Variants in PKHD1 observed in about 807,000 individuals in gnomAD.
PKHD1 encodes fibrocystin.
In PKHD1, 291 loss-of-function variants were observed where a neutral mutation model predicts 412.0. That is an observed-to-expected ratio of 0.71 (90% CI 0.64 to 0.78). The LOEUF is 0.78. PKHD1 is among the 30% of genes least tolerant of loss of function. The pLI is 0.00. For missense variants in PKHD1, 4,825 were observed against 4,950.7 expected (o/e 0.97, Z 0.76); for synonymous variants, 1,777 against 1,821.5 (o/e 0.98, Z 0.62).
chr6:51,784,426 A>G (rs1369512180), intron 53 of PKHD1, among the ~76,000 whole-genome samples: 1 of 152,182 alleles, frequency 6.6e-6, no homozygotes, highest in Admixed American at 6.6e-5. Flanking sequence ...TACCAATAAA[A>G]CGAGACAGAC....
At chr6:51,722,234 A>C (rs1008401088) in intron 60 of PKHD1, among the ~76,000 whole-genome samples, 5 of 152,166 alleles carry the variant, frequency 3.3e-5, no homozygotes, top group African/African-American at 1.2e-4. Context: ...CTCTCAGAGT[A>C]CAGATTATAC....
At chr6:51,816,211 G>T (rs1159528885) in intron 52 of PKHD1, among the ~76,000 whole-genome samples, 3 of 151,978 alleles carry the variant, frequency 2.0e-5, no homozygotes, top group African/African-American at 7.3e-5. Flanking sequence ...AATTTTCAAG[G>T]AATAGAATAA....
At chr6:51,957,924 C>T (rs1261528663) in intron 36 of PKHD1, among the ~76,000 whole-genome samples, 1 of 152,022 alleles carries the variant, frequency 6.6e-6, no homozygotes, top group Non-Finnish European at 1.5e-5. Context: ...CATTTACTTT[C>T]TAATTATTTT....
chr6:51,764,614 C>T (rs11966570), intron 55 of PKHD1, among the ~76,000 whole-genome samples: 47,672 of 150,462 alleles, frequency 0.32, 9,346 homozygotes, highest in East Asian at 0.69. Flanking sequence ...CACATGCACA[C>T]GTATGTTTAT....
At chr6:52,084,284 G>A (rs1415491094) in intron 2 of PKHD1, among the ~76,000 whole-genome samples, 2 of 152,212 alleles carry the variant, frequency 1.3e-5, no homozygotes, top group Non-Finnish European at 2.9e-5. Context: ...GGGGAACCAC[G>A]TCACATTAGC....
At chr6:51,824,920 C>T (rs1434408350) in intron 52 of PKHD1, among the ~76,000 whole-genome samples, 1 of 152,072 alleles carries the variant, frequency 6.6e-6, no homozygotes, top group African/African-American at 2.4e-5. Flanking sequence ...TTGACAAATA[C>T]CACTTTCAGG....
At chr6:52,047,902 G>A (rs1422101196) in intron 23 of PKHD1, among the ~76,000 whole-genome samples, 2 of 152,170 alleles carry the variant, frequency 1.3e-5, no homozygotes, top group African/African-American at 2.4e-5. Context: ...CAAAAGATGT[G>A]GCTAAGGGTC....
intron 60 of PKHD1, among the ~76,000 whole-genome samples, chr6:51,715,164 GTCTC>G (rs1334059958): frequency 6.6e-6 from 1 of 152,014 alleles, no homozygotes; most frequent in African/African-American, 2.4e-5. Flanking sequence ...TTTAGGAATT[GTCTC>G]TCTTTTTTTT....
intron 10 of PKHD1, 46 bp from the exon 11 acceptor site, chr6:52,069,573 G>A (rs1470833951): frequency 1.4e-6 from 2 of 1,476,058 alleles, no homozygotes; most frequent in Middle Eastern, 1.7e-4. Flanking sequence ...TATCAACTGG[G>A]ATTGCATTTT....
intron 36 of PKHD1, among the ~76,000 whole-genome samples, chr6:51,945,390 C>G (rs546928650): frequency 2.1e-4 from 32 of 152,262 alleles, no homozygotes; most frequent in Admixed American, 1.6e-3. Flanking sequence ...TACTCAGGTC[C>G]CAAATCTCTC....
chr6:51,687,577 T>C (rs981041844), intron 60 of PKHD1, among the ~76,000 whole-genome samples: 2 of 152,206 alleles, frequency 1.3e-5, no homozygotes, highest in Non-Finnish European at 1.5e-5. Context: ...TCACCTGTTA[T>C]CATTTGCCCT....
chr6:51,863,633 G>A (rs1356847646), intron 48 of PKHD1, among the ~76,000 whole-genome samples: 1 of 152,136 alleles, frequency 6.6e-6, no homozygotes. Flanking sequence ...AAATCCTCCA[G>A]TCAAATGATT....
At chr6:51,739,998 T>A (rs921687712) in intron 60 of PKHD1, 1 of 518,884 alleles carries the variant, frequency 1.9e-6, no homozygotes. Flanking sequence ...GAATGGGACA[T>A]TAATTTCAAT....
intron 66 of PKHD1, among the ~76,000 whole-genome samples, chr6:51,621,459 A>G (rs1766605921): frequency 6.6e-6 from 1 of 152,198 alleles, no homozygotes; most frequent in Admixed American, 6.5e-5. Context: ...GGAATCAAAC[A>G]CTGCAAGTCG....
intron 40 of PKHD1, among the ~76,000 whole-genome samples, chr6:51,907,513 A>C (rs1433995580): frequency 2.0e-5 from 3 of 152,156 alleles, no homozygotes; most frequent in Non-Finnish European, 4.4e-5. Flanking sequence ...CATGTGAAAA[A>C]CCAGTAAGTA....
intron 36 of PKHD1, among the ~76,000 whole-genome samples, chr6:51,958,286 G>C (rs1274083521): frequency 6.6e-6 from 1 of 152,072 alleles, no homozygotes; most frequent in African/African-American, 2.4e-5. Context: ...ATGAGGGTTT[G>C]CCTTTCCAAA....
At chr6:51,704,999 T>C (rs1439030732) in intron 60 of PKHD1, among the ~76,000 whole-genome samples, 2 of 152,104 alleles carry the variant, frequency 1.3e-5, no homozygotes, top group Middle Eastern at 3.4e-3. Flanking sequence ...TAGTGGTGGC[T>C]CCCAAACTCC....
At chr6:51,907,391 C>T (rs1782274434) in intron 40 of PKHD1, among the ~76,000 whole-genome samples, 1 of 152,144 alleles carries the variant, frequency 6.6e-6, no homozygotes, top group Non-Finnish European at 1.5e-5. Flanking sequence ...CCTCACATTG[C>T]TCATCAAGGA....
At chr6:52,047,788 G>T (rs1351498643) in intron 23 of PKHD1, among the ~76,000 whole-genome samples, 4 of 152,228 alleles carry the variant, frequency 2.6e-5, no homozygotes, top group African/African-American at 9.6e-5. Context: ...GCAAGCTTCA[G>T]TGTAGTTGGC....
Sources: gnomAD v4.1 joint callset for allele counts (sites outside exome capture counted in the v4.1 genomes callset) on GRCh38, gnomAD v4.1.1 for gene constraint, MANE v1.5 for transcripts, NCBI Gene and HGNC (gene_info 2026-07-23, HGNC 2026-07-21) for gene names.